RMDN1: variants seen among roughly 807,000 people sequenced by gnomAD.
RMDN1 encodes regulator of microtubule dynamics protein 1.
Under a neutral mutation model 48.9 loss-of-function variants are expected in RMDN1, and 48 were observed. The ratio of observed to expected loss-of-function variants is 0.98; its 90% CI spans 0.78 to 1.25. The LOEUF (loss-of-function observed/expected upper bound fraction) is 1.25. Among genes scored for constraint, RMDN1 ranks in the 50% most tolerant of loss-of-function variants. The pLI, the probability that RMDN1 is intolerant of heterozygous loss-of-function variation, is 0.00. For synonymous variants in RMDN1, 148 were observed against 132.6 expected, an observed-to-expected ratio of 1.12 and a Z score of -0.80; for missense variants, 418 against 373.4, an observed-to-expected ratio of 1.12 and a Z score of -0.98.
chr8:86,474,108 A>G lies in RMDN1; in HGVS notation c.*200T>C. 1 of 1,300,106 alleles carries G rather than the reference A, an allele frequency of 7.7e-7. No homozygotes were observed. The highest frequency in any genetic ancestry group is 9.8e-7 in the Non-Finnish European group (1 of 1,024,928). 80.5% of individuals were successfully genotyped at this position (1,300,106 alleles called of 1,614,324 possible). A position where few individuals can be genotyped will look rare whatever the true frequency, so the allele number is the denominator to read the frequency against. The stretch of plus-strand genomic sequence containing the variant: ...TAATCTCTTTGCCTGAGCCATGGAG[A>G]TTTATTTCTACCACTCTTATGGCGA... On this transcript the variant is annotated 3_prime_UTR_variant, in exon 10 of 10. Coordinates refer to ENST00000406452, the MANE Select transcript of RMDN1 (RefSeq NM_016033.3).
rs376660977 is a variant in RMDN1 at position 86,484,867 on chromosome 8, A to G, written c.585+5T>C. Reference sequence around the variant, plus strand: ...AATTCATGAATTTGAATAATTCATCAGTACCTCAAAATGCTCCTTGATGAT... The same window carrying G: ...AATTCATGAATTTGAATAATTCATCGGTACCTCAAAATGCTCCTTGATGAT... On this transcript the variant is annotated splice_donor_5th_base_variant and intron_variant, in intron 5 of 9. Coordinates refer to ENST00000406452, the MANE Select transcript of RMDN1 (RefSeq NM_016033.3). 133 of 1,537,668 alleles carry G rather than the reference A, an allele frequency of 8.6e-5. No individual in the cohort carries two copies. The highest frequency in any genetic ancestry group is 1.2e-4 in the Non-Finnish European group (130 of 1,124,932).
At chr8:86,510,376 T>G (rs1819982592), upstream of RMDN1, among the ~76,000 whole-genome samples, 1 of 152,254 alleles carries the variant, frequency 6.6e-6, no homozygotes, top group Non-Finnish European at 1.5e-5. Context: ...GATTTTTTTT[T>G]CTAAATTCAA....
In RMDN1 at chr8:86,474,227, T is replaced by G; in HGVS notation, c.*81A>C. 6.3e-7 allele frequency: 1 copy of G among 1,594,090 alleles called. No homozygotes were observed. Among genetic ancestry groups the G allele is most frequent in the East Asian group, 2.2e-5 (1 of 44,532 alleles). ...CAACATTTAAAAAGCCGTAGAACAG[T>G]TATAGTTCATATATTAAGTTTAGAA... On this transcript the variant is annotated 3_prime_UTR_variant, in exon 10 of 10. Transcript: ENST00000406452.
chr8:86,503,190 A>G (rs183943253), intron 2 of RMDN1, among the ~76,000 whole-genome samples: 1 of 152,092 alleles, frequency 6.6e-6, no homozygotes, highest in East Asian at 1.9e-4. Flanking sequence ...CGTCTCTACT[A>G]AAAATACAAA....
chr8:86,502,905 A>T (rs1335203036), intron 2 of RMDN1, among the ~76,000 whole-genome samples: 1 of 152,182 alleles, frequency 6.6e-6, no homozygotes, highest in Admixed American at 6.5e-5. Context: ...TCTTAGGTTA[A>T]GGGCTCTACA....
At chr8:86,511,264 G>A (rs1398159620), upstream of RMDN1, among the ~76,000 whole-genome samples, 1 of 151,292 alleles carries the variant, frequency 6.6e-6, no homozygotes, top group Non-Finnish European at 1.5e-5. Flanking sequence ...CACGAGGTCA[G>A]GAGATCAAGA....
At chr8:86,510,367 AT>A (rs896803649), upstream of RMDN1, among the ~76,000 whole-genome samples, 3 of 151,564 alleles carry the variant, frequency 2.0e-5, no homozygotes, top group East Asian at 1.9e-4. Context: ...TATACTAATG[AT>A]TTTTTTTTCT....
At chr8:86,470,153 C>T (rs1408653912), downstream of RMDN1, 23 of 1,284,780 alleles carry the variant, frequency 1.8e-5, no homozygotes, top group Non-Finnish European at 2.3e-5. Context: ...AAGGAAACAT[C>T]TATAATGGAG....
chr8:86,478,880 G>T, intron 7 of RMDN1, 43 bp downstream of exon 7: 1 of 1,466,750 alleles, frequency 6.8e-7, no homozygotes, highest in Non-Finnish European at 9.6e-7. Context: ...ATGGCGCTGT[G>T]GTTAAGAAAT....
intron 2 of RMDN1, among the ~76,000 whole-genome samples, chr8:86,491,940 A>G (rs1452751731): frequency 6.6e-6 from 1 of 152,190 alleles, no homozygotes; most frequent in East Asian, 1.9e-4. Flanking sequence ...AAATCTGAAT[A>G]TCTAGATTCA....
chr8:86,503,392 A>T lies in RMDN1; in HGVS notation c.247+3603T>A, dbSNP rs1234452915. Among the ~76,000 whole-genome samples, 347 of 139,528 alleles carry T rather than the reference A, an allele frequency of 2.5e-3. 8 individuals carry two copies. The highest frequency in any genetic ancestry group is 6.2e-3 in the African/African-American group (225 of 36,378). The allele number at this position is 139,528 out of a possible 152,430, so 91.5% of individuals were successfully genotyped here. A position where few individuals can be genotyped will look rare whatever the true frequency, so the allele number is the denominator to read the frequency against. On this transcript the variant is annotated intron_variant, in intron 2 of 9. Transcript: ENST00000406452. The stretch of plus-strand genomic sequence containing the variant: ...AAAACAAAAAAAAAAAAAAAAAACA[A>T]AAAAAAATAACAAAAATAACTTGAG...
intron 2 of RMDN1, chr8:86,494,854 A>T (rs1817066700): frequency 2.8e-6 from 1 of 363,082 alleles, no homozygotes; most frequent in Non-Finnish European, 5.3e-6. Context: ...CATGCCTGTA[A>T]TCCCAGCTAC....
chr8:86,502,217 TTAAC>T (rs952861003), intron 2 of RMDN1, among the ~76,000 whole-genome samples: 3 of 152,148 alleles, frequency 2.0e-5, no homozygotes, highest in African/African-American at 7.2e-5. Context: ...CACAATTGGT[TTAAC>T]TAATTTTTTT....
chr8:86,513,932 C>G (rs1392529357), intron 1 of RMDN1, among the ~76,000 whole-genome samples: 1 of 151,934 alleles, frequency 6.6e-6, no homozygotes, highest in African/African-American at 2.4e-5. Context: ...CGCACTGCAG[C>G]CTGAGCCCGT....
At chr8:86,510,981 GTTGT>G (rs1185421035), upstream of RMDN1, among the ~76,000 whole-genome samples, 2 of 137,946 alleles carry the variant, frequency 1.4e-5, no homozygotes, top group African/African-American at 2.5e-5. Flanking sequence ...TTTTCTTGTT[GTTGT>G]TTGTTTTTTG....
At chr8:86,475,802 C>A (rs1813272242) in intron 8 of RMDN1, among the ~76,000 whole-genome samples, 1 of 152,118 alleles carries the variant, frequency 6.6e-6, no homozygotes, top group African/African-American at 2.4e-5. Flanking sequence ...TTGTGTGATG[C>A]CATGTTGATA....
chr8:86,505,891 C>A (rs987508841), intron 2 of RMDN1, among the ~76,000 whole-genome samples: 1 of 152,138 alleles, frequency 6.6e-6, no homozygotes, highest in Non-Finnish European at 1.5e-5. Flanking sequence ...CCATAAAAGT[C>A]ATATGCCTAC....
intron 2 of RMDN1, among the ~76,000 whole-genome samples, chr8:86,495,217 A>C (rs755057402): frequency 6.6e-6 from 1 of 152,124 alleles, no homozygotes; most frequent in Non-Finnish European, 1.5e-5. Flanking sequence ...GGAACCCTGC[A>C]TGGGGTTGCC....
At chr8:86,481,304 G>C (rs765758637) in intron 5 of RMDN1, among the ~76,000 whole-genome samples, 2 of 152,078 alleles carry the variant, frequency 1.3e-5, no homozygotes, top group Non-Finnish European at 2.9e-5. Context: ...GAAAAGTCAT[G>C]TACTTAACTC....
Sources: gnomAD v4.1 joint callset for allele counts (sites outside exome capture counted in the v4.1 genomes callset) on GRCh38, gnomAD v4.1.1 for gene constraint, MANE v1.5 for transcripts, NCBI Gene and HGNC (gene_info 2026-07-23, HGNC 2026-07-21) for gene names.